POFUT1: variants seen among roughly 807,000 people sequenced by gnomAD.
POFUT1 encodes the protein GDP-fucose protein O-fucosyltransferase 1.
POFUT1 carries 16 observed loss-of-function variants against 42.4 expected under a neutral mutation model. The ratio of observed to expected loss-of-function variants is 0.38; its 90% CI spans 0.26 to 0.57. POFUT1 has a LOEUF of 0.57. Ranked by LOEUF, POFUT1 falls within the 20% of genes least tolerant of loss-of-function variation. The probability of loss-of-function intolerance (pLI) is 0.71; values close to 1 mark genes in which losing one functional copy is unlikely to be tolerated. For synonymous variants in POFUT1, 206 were observed against 205.4 expected (o/e 1.00, Z -0.03); for missense variants, 470 against 504.6 (o/e 0.93, Z 0.66).
chr20:32,211,160 C>T (rs866860796), intron 2 of POFUT1, among the ~76,000 whole-genome samples: 9 of 152,324 alleles, frequency 5.9e-5, no homozygotes, highest in Non-Finnish European at 1.0e-4. Context: ...GGCAGTAACA[C>T]GCCTTCAGTG....
chr20:32,221,729 C>A (rs538549801), intron 4 of POFUT1, among the ~76,000 whole-genome samples: 4 of 151,750 alleles, frequency 2.6e-5, no homozygotes, highest in African/African-American at 9.7e-5. Flanking sequence ...AAAAAAATGC[C>A]TCTAGGGCCT....
At chr20:32,221,726 T>G (rs2047391852) in intron 4 of POFUT1, among the ~76,000 whole-genome samples, 1 of 149,010 alleles carries the variant, frequency 6.7e-6, no homozygotes, top group African/African-American at 2.5e-5. Flanking sequence ...AAAAAAAAAA[T>G]GCCTCTAGGG....
chr20:32,220,481 C>T (rs1192132140), intron 4 of POFUT1, among the ~76,000 whole-genome samples: 2 of 152,208 alleles, frequency 1.3e-5, no homozygotes, highest in African/African-American at 4.8e-5. Flanking sequence ...ATGGCTTACA[C>T]CTGTAATCCC....
intron 4 of POFUT1, 67 bp downstream of exon 4, chr20:32,216,788 T>C: frequency 4.4e-6 from 6 of 1,373,614 alleles, no homozygotes; most frequent in Non-Finnish European, 6.2e-6. Flanking sequence ...ATTCAGCACC[T>C]TCTGGCACTC....
In POFUT1 at chr20:32,220,339, C is replaced by G. The variant is rs1460080127; in HGVS notation, c.542+3618C>G. Among the ~76,000 whole-genome samples, 6 of 152,284 alleles carry G rather than the reference C, an allele frequency of 3.9e-5. No individual in the cohort carries two copies. The East Asian group carries it at 1.2e-3, about 29-fold the overall frequency. On this transcript the variant is annotated intron_variant, in intron 4 of 6. Transcript: ENST00000375749. ...TGGGTGGGGATCATGCTCTGTTGCT[C>G]AGGTTGGTCTTGATCTCTTGGCCTC...
At chr20:32,210,034 C>T (rs756741372) in intron 1 of POFUT1, 37 bp from the exon 2 acceptor site, 11 of 1,613,714 alleles carry the variant, frequency 6.8e-6, no homozygotes, top group Non-Finnish European at 9.3e-6. Flanking sequence ...CCCTCCATGC[C>T]CCAGGCCTCA....
intron 4 of POFUT1, chr20:32,222,915 G>A (rs2047397851): frequency 1.0e-6 from 1 of 985,274 alleles, no homozygotes. Flanking sequence ...AATGAGACTG[G>A]AAGAGTGAGA....
chr20:32,216,565 T>C, intron 3 of POFUT1, 44 bp from the exon 4 acceptor site: 2 of 1,300,628 alleles, frequency 1.5e-6, no homozygotes, highest in Non-Finnish European at 2.2e-6. Context: ...CCCAAATGGC[T>C]TTCCCTCCCC....
Position 32,207,914 on chromosome 20 carries a change from C to G in POFUT1, c.-28C>G. The stretch of plus-strand genomic sequence containing the variant: ...CCTCCTTCCCTCCCCGACTGTGCGC[C>G]GCGGCTGGCTCGGGTTCCCGGGCCG... On this transcript the variant is annotated 5_prime_UTR_variant, in exon 1 of 7. Transcript: ENST00000375749. 1.9e-6 allele frequency: 3 copies of G among 1,567,552 alleles called. No individual in the cohort carries two copies. The highest frequency in any genetic ancestry group is 2.6e-6 in the Non-Finnish European group (3 of 1,165,560).
At chr20:32,234,325 TTC>T in intron 6 of POFUT1, 146 bp from the exon 7 acceptor site, 1 of 745,078 alleles carries the variant, frequency 1.3e-6, no homozygotes, top group Non-Finnish European at 2.1e-6. Flanking sequence ...TGGGCAATGC[TTC>T]CCTCAGACAC....
chr20:32,217,686 T>G (rs2047369684), intron 4 of POFUT1: 1 of 985,408 alleles, frequency 1.0e-6, no homozygotes. Context: ...GTGCATGAAG[T>G]GCATGTCATA....
intron 2 of POFUT1, among the ~76,000 whole-genome samples, chr20:32,212,258 T>G (rs1038432037): frequency 1.3e-5 from 2 of 152,090 alleles, no homozygotes; most frequent in Admixed American, 6.6e-5. Flanking sequence ...CCTCCATAAT[T>G]ACAGGCCTGT....
At chr20:32,217,494 C>A in intron 4 of POFUT1, 1 of 990,448 alleles carries the variant, frequency 1.0e-6, no homozygotes, top group Non-Finnish European at 1.2e-6. Flanking sequence ...TGCCTGTAAT[C>A]CCAGCACTTT....
At chr20:32,230,671 G>C (rs1232017086) in intron 5 of POFUT1, 148 bp from the exon 6 acceptor site, 4 of 862,278 alleles carry the variant, frequency 4.6e-6, no homozygotes, top group Non-Finnish European at 7.2e-6. Flanking sequence ...CTCCAGCCTG[G>C]GTGACAGAGT....
In POFUT1 at chr20:32,236,798, T is replaced by G. The variant is rs2047473328; in HGVS notation, c.*2137T>G. 3 of 152,228 alleles carry G rather than the reference T, an allele frequency of 2.0e-5. No individual in the cohort carries two copies. The highest frequency in any genetic ancestry group is 2.0e-4 in the Admixed American group (3 of 15,280). The allele number at this position is 152,228 out of a possible 1,614,324, so 9.4% of individuals were successfully genotyped here. A position where few individuals can be genotyped will look rare whatever the true frequency, so the allele number is the denominator to read the frequency against. On this transcript the variant is annotated 3_prime_UTR_variant, in exon 7 of 7. Transcript: ENST00000375749. ...GGCACTGTGCTTGCTAATTGCTTTA[T>G]GGGGGCATTCTCTTATTTATTCCCC...
chr20:32,210,936 G>T (rs1254398028), intron 2 of POFUT1, among the ~76,000 whole-genome samples: 1 of 152,198 alleles, frequency 6.6e-6, no homozygotes, highest in African/African-American at 2.4e-5. Flanking sequence ...TCTCTGCATA[G>T]ATTTTACTTT....
At position 32,215,425 on chromosome 20, in the gene POFUT1, C is replaced by A. The variant is rs770780417; in HGVS notation, c.403C>A (p.Pro135Thr). ...CTTTGAGGTGGCAGCCCAGCGAAGC[C>A]CAGATAAGAAGACGTGCCCCATGAA... ...YCFEVAAQRS[P>T]DKKTCPMKEG... The change falls in exon 3 of 7, where the codon CCA (proline) becomes ACA (threonine). Residue 135 changes from proline (P) to threonine (T), a missense_variant. Pro to Thr is a conservative substitution (Grantham distance 38). Coordinates refer to ENST00000375749, the MANE Select transcript of POFUT1 (RefSeq NM_015352.2). The A allele has an allele frequency of 6.2e-7, 1 of 1,612,756 alleles. No homozygotes were observed. The highest frequency in any genetic ancestry group is 1.1e-5 in the South Asian group (1 of 91,042).
rs1923095 is a variant in POFUT1 at position 32,208,016 on chromosome 20, T to C, written c.75T>C (p.Pro25=). 0.59 allele frequency: 934,336 copies of C among 1,580,522 alleles called. 286,387 individuals are homozygous for C. Among genetic ancestry groups the C allele is most frequent in the East Asian group, 1 (43,194 of 43,322 alleles). ...LLLLLPLPGM[P]AGSWDPAGYL... ...TGCTTCTGCCGCTCCCGGGGATGCCTGCGGGCTCCTGGGACCCGGCCGGTT... is the reference window on the plus strand; with the variant it reads ...TGCTTCTGCCGCTCCCGGGGATGCCCGCGGGCTCCTGGGACCCGGCCGGTT... Residue 25 remains proline, a synonymous_variant, in exon 1 of 7, where the codon CCT becomes CCC. Coordinates refer to ENST00000375749, the MANE Select transcript of POFUT1 (RefSeq NM_015352.2).
chr20:32,234,550 C>CAACT lies in POFUT1; in HGVS notation c.1057_1060dup (p.Cys354Ter). 3 of 1,614,214 alleles carry CAACT rather than the reference C, an allele frequency of 1.9e-6. No homozygotes were observed. The highest frequency in any genetic ancestry group is 1.7e-6 in the Non-Finnish European group (2 of 1,180,022). On this transcript the variant is annotated frameshift_variant, in exon 7 of 7. Transcript: ENST00000375749. LOFTEE classifies it high-confidence loss of function. ...TCGGCCAAGCCGACCACTTTATTGG[C>CAACT]AACTGTGTCTCCTCCTTCACTGCCT...
Sources: allele counts gnomAD v4.1 joint callset (sites outside exome capture counted in the v4.1 genomes callset), GRCh38; gene constraint gnomAD v4.1.1; transcripts MANE v1.5; gene names NCBI Gene and HGNC (gene_info 2026-07-23, HGNC 2026-07-21).